Variants in DTNB observed in about 807,000 individuals in gnomAD.
DTNB encodes DTN-B.
DTNB carries 63 observed loss-of-function variants against 90.7 expected under a neutral mutation model. The ratio of observed to expected loss-of-function variants is 0.69; its 90% CI spans 0.57 to 0.86. DTNB has a LOEUF of 0.86. Among genes scored for constraint, DTNB ranks in the 40% least tolerant of loss-of-function variants. The pLI is 0.00. For missense variants in DTNB, 744 were observed against 807.1 expected (o/e 0.92, Z 0.95); for synonymous variants, 277 against 286.7 (o/e 0.97, Z 0.34).
intron 8 of DTNB, among the ~76,000 whole-genome samples, chr2:25,568,941 G>C (rs973127060): frequency 2.0e-5 from 3 of 152,210 alleles, no homozygotes; most frequent in African/African-American, 7.2e-5. Context: ...CCTCGGCCAT[G>C]CTCTCCTGGA....
At chr2:25,641,325 A>G (rs1215495647) in intron 2 of DTNB, among the ~76,000 whole-genome samples, 3 of 152,226 alleles carry the variant, frequency 2.0e-5, no homozygotes, top group Non-Finnish European at 2.9e-5. Context: ...TATTAAAATC[A>G]TATTGTGCCA....
At chr2:25,634,071 TG>T (rs1247947349) in intron 3 of DTNB, among the ~76,000 whole-genome samples, 7 of 148,734 alleles carry the variant, frequency 4.7e-5, no homozygotes, top group African/African-American at 1.0e-4. Context: ...AGGAGGGAGG[TG>T]GGGGGGTCAG....
At chr2:25,435,171 C>A (rs901133196) in intron 12 of DTNB, among the ~76,000 whole-genome samples, 7 of 152,134 alleles carry the variant, frequency 4.6e-5, no homozygotes, top group Non-Finnish European at 8.8e-5. Flanking sequence ...AGGTGTGCAC[C>A]ACCATGCTCA....
intron 8 of DTNB, among the ~76,000 whole-genome samples, chr2:25,562,275 G>C (rs2058381702): frequency 6.6e-6 from 1 of 152,004 alleles, no homozygotes. Flanking sequence ...CATTTCTTTT[G>C]CTTACCTAAT....
chr2:25,468,873 G>C (rs1462981878), intron 10 of DTNB, among the ~76,000 whole-genome samples: 1 of 152,152 alleles, frequency 6.6e-6, no homozygotes, highest in Non-Finnish European at 1.5e-5. Context: ...AGCTATAAAT[G>C]CATCAAGTTC....
chr2:25,386,751 G>C (rs935441444), intron 18 of DTNB, among the ~76,000 whole-genome samples: 3 of 152,200 alleles, frequency 2.0e-5, no homozygotes, highest in Non-Finnish European at 4.4e-5. Context: ...CTGAACACAA[G>C]GAGCAGAAGA....
At chr2:25,489,490 C>T (rs999150621) in intron 9 of DTNB, among the ~76,000 whole-genome samples, 12 of 152,130 alleles carry the variant, frequency 7.9e-5, no homozygotes, top group African/African-American at 2.9e-4. Context: ...ATTATCTCAT[C>T]CCATAAAGAA....
chr2:25,607,920 A>C (rs1453671158), intron 4 of DTNB, among the ~76,000 whole-genome samples: 1 of 152,234 alleles, frequency 6.6e-6, no homozygotes, highest in South Asian at 2.1e-4. Context: ...AGTAACATTA[A>C]TTCTTCTTTA....
At chr2:25,483,792 C>G (rs1343777905) in intron 9 of DTNB, among the ~76,000 whole-genome samples, 1 of 152,188 alleles carries the variant, frequency 6.6e-6, no homozygotes, top group Admixed American at 6.5e-5. Context: ...AATACTTAAA[C>G]TGGAAAATTT....
At chr2:25,602,981 C>T (rs1207236801) in intron 5 of DTNB, among the ~76,000 whole-genome samples, 1 of 152,110 alleles carries the variant, frequency 6.6e-6, no homozygotes, top group African/African-American at 2.4e-5. Context: ...ACTTGGGGTA[C>T]ACTTCTGATT....
In DTNB at chr2:25,560,829, A is replaced by T. The variant is rs776285462; in HGVS notation, c.876+16009T>A. Among the ~76,000 whole-genome samples the T allele has an allele frequency of 3.9e-5, 6 of 152,266 alleles. No homozygotes were observed. The South Asian group carries it at 8.3e-4, about 21-fold the overall frequency. On this transcript the variant is annotated intron_variant, in intron 8 of 20. Coordinates refer to ENST00000406818, the MANE Select transcript of DTNB (RefSeq NM_021907.5). Reference sequence around the variant, plus strand: ...GTGGCTCTGCTGACACTTCGATTTCAAACTTGTGTCCAGCACTGTGAGAGG... The same window carrying T: ...GTGGCTCTGCTGACACTTCGATTTCTAACTTGTGTCCAGCACTGTGAGAGG...
chr2:25,648,961 G>A (rs2080149012), intron 2 of DTNB, among the ~76,000 whole-genome samples: 1 of 140,186 alleles, frequency 7.1e-6, no homozygotes, highest in Admixed American at 7.1e-5. Flanking sequence ...ATATTCCCAT[G>A]AAAATCAAAA....
At chr2:25,411,249 C>T (rs1189406697) in intron 16 of DTNB, among the ~76,000 whole-genome samples, 2 of 151,794 alleles carry the variant, frequency 1.3e-5, no homozygotes. Flanking sequence ...ATCCCAGCTA[C>T]TTGGTAGGCT....
intron 19 of DTNB, among the ~76,000 whole-genome samples, chr2:25,383,237 T>C (rs1250936520): frequency 7.0e-6 from 1 of 143,492 alleles, no homozygotes; most frequent in Non-Finnish European, 1.5e-5. Context: ...TTTTTGGAGA[T>C]GGAGTTTCAC....
chr2:25,672,042 A>T (rs1352190857), intron 1 of DTNB, among the ~76,000 whole-genome samples: 1 of 152,054 alleles, frequency 6.6e-6, no homozygotes, highest in African/African-American at 2.4e-5. Context: ...AGAAGGAACA[A>T]AATGGGATGA....
intron 9 of DTNB, among the ~76,000 whole-genome samples, chr2:25,508,221 G>C (rs1418283123): frequency 6.6e-6 from 1 of 152,124 alleles, no homozygotes; most frequent in Non-Finnish European, 1.5e-5. Flanking sequence ...TTCTTTAAGT[G>C]AGGCCTGGAA....
At chr2:25,670,891 T>A (rs887281237) in intron 1 of DTNB, among the ~76,000 whole-genome samples, 2 of 152,188 alleles carry the variant, frequency 1.3e-5, no homozygotes, top group African/African-American at 2.4e-5. Flanking sequence ...TTTTGTGCCA[T>A]CCCACTCTGT....
At chr2:25,575,104 A>G (rs949306382) in intron 8 of DTNB, among the ~76,000 whole-genome samples, 2 of 152,162 alleles carry the variant, frequency 1.3e-5, no homozygotes, top group African/African-American at 4.8e-5. Flanking sequence ...AGGGGGAATA[A>G]GAAGTTCCCA....
intron 4 of DTNB, among the ~76,000 whole-genome samples, chr2:25,609,207 T>G (rs969150851): frequency 6.6e-6 from 1 of 152,214 alleles, no homozygotes. Flanking sequence ...TACTTACAAC[T>G]AAGAACTCTG....
Sources: allele counts gnomAD v4.1 joint callset (sites outside exome capture counted in the v4.1 genomes callset), GRCh38; gene constraint gnomAD v4.1.1; transcripts MANE v1.5; gene names NCBI Gene and HGNC (gene_info 2026-07-23, HGNC 2026-07-21).